Variants in CPA6 observed in about 807,000 individuals in gnomAD.
CPA6 encodes the protein carboxypeptidase A6, also known as carboxypeptidase B.
CPA6 carries 58 observed loss-of-function variants against 63.3 expected under a neutral mutation model. That is an observed-to-expected ratio of 0.92 (90% CI 0.74 to 1.14). The LOEUF is 1.14. Among genes scored for constraint, CPA6 ranks in the 50% most tolerant of loss-of-function variants. The pLI is 0.00. For missense variants in CPA6, 565 were observed against 526.6 expected (o/e 1.07, Z -0.71); for synonymous variants, 185 against 179.0 (o/e 1.03, Z -0.27).
chr8:67,647,989 C>T (rs143997105), intron 1 of CPA6, among the ~76,000 whole-genome samples: 29 of 152,232 alleles, frequency 1.9e-4, no homozygotes, highest in African/African-American at 6.5e-4. Flanking sequence ...TATGATCTTC[C>T]CCTGTGAATG....
chr8:67,535,857 T>G (rs772250022), intron 2 of CPA6, among the ~76,000 whole-genome samples: 1 of 152,252 alleles, frequency 6.6e-6, no homozygotes, highest in Non-Finnish European at 1.5e-5. Flanking sequence ...TTTAAATCTT[T>G]AATCCATCCT....
chr8:67,654,619 T>G (rs1815939661), intron 1 of CPA6, among the ~76,000 whole-genome samples: 1 of 152,192 alleles, frequency 6.6e-6, no homozygotes. Flanking sequence ...TTGTGTCTGT[T>G]TGATTCTTCT....
chr8:67,648,672 A>G (rs1209243805), intron 1 of CPA6, among the ~76,000 whole-genome samples: 1 of 152,148 alleles, frequency 6.6e-6, no homozygotes, highest in Non-Finnish European at 1.5e-5. Flanking sequence ...AGATTTTAAG[A>G]ATTTTTATTT....
chr8:67,631,627 G>A (rs953688387), intron 1 of CPA6, among the ~76,000 whole-genome samples: 1 of 152,226 alleles, frequency 6.6e-6, no homozygotes, highest in Non-Finnish European at 1.5e-5. Flanking sequence ...GGGAATAAAA[G>A]CAGGCTGTGA....
At chr8:67,649,988 G>A (rs1455160137) in intron 1 of CPA6, among the ~76,000 whole-genome samples, 3 of 152,174 alleles carry the variant, frequency 2.0e-5, no homozygotes, top group East Asian at 1.9e-4. Context: ...TGAGACTCAG[G>A]AAGTCAGATT....
intron 1 of CPA6, among the ~76,000 whole-genome samples, chr8:67,704,661 C>T (rs1178971140): frequency 6.6e-6 from 1 of 152,140 alleles, no homozygotes; most frequent in Non-Finnish European, 1.5e-5. Context: ...CCAGTATCTC[C>T]TCTGTTCTCG....
intron 2 of CPA6, among the ~76,000 whole-genome samples, chr8:67,581,872 G>A (rs1186792224): frequency 6.6e-6 from 1 of 152,158 alleles, no homozygotes; most frequent in Non-Finnish European, 1.5e-5. Flanking sequence ...ATTAGGGAAG[G>A]ATCGTAAGAT....
chr8:67,522,378 G>A (rs1812277982), intron 2 of CPA6, among the ~76,000 whole-genome samples: 2 of 152,166 alleles, frequency 1.3e-5, no homozygotes, highest in Non-Finnish European at 2.9e-5. Flanking sequence ...CAGTGTCAGT[G>A]TACCTCATTC....
At chr8:67,609,190 T>C (rs539152024) in intron 2 of CPA6, among the ~76,000 whole-genome samples, 2 of 152,346 alleles carry the variant, frequency 1.3e-5, no homozygotes, top group South Asian at 2.1e-4. Context: ...TCTGTGTTTC[T>C]GAACCTTCTA....
chr8:67,541,751 G>GGAGTT (rs2128970962), intron 2 of CPA6, among the ~76,000 whole-genome samples: 1 of 152,268 alleles, frequency 6.6e-6, no homozygotes, highest in South Asian at 2.1e-4. Flanking sequence ...GCTAGGGGAG[G>GGAGTT]GAGTTCCTGA....
chr8:67,583,074 C>A (rs1813818401), intron 2 of CPA6, among the ~76,000 whole-genome samples: 1 of 151,158 alleles, frequency 6.6e-6, no homozygotes, highest in Non-Finnish European at 1.5e-5. Flanking sequence ...GGAGTTGATG[C>A]TGGTTTGGTG....
At chr8:67,581,407 C>T (rs868382716) in intron 2 of CPA6, among the ~76,000 whole-genome samples, 2 of 152,250 alleles carry the variant, frequency 1.3e-5, no homozygotes. Flanking sequence ...TTGATTAATA[C>T]TGACATGGTA....
intron 2 of CPA6, among the ~76,000 whole-genome samples, chr8:67,587,877 G>C (rs17345798): frequency 0.076 from 11,545 of 152,234 alleles, 575 homozygotes; most frequent in Middle Eastern, 0.18. Context: ...TACTAGTGTG[G>C]CTCCTCAAAT....
intron 1 of CPA6, among the ~76,000 whole-genome samples, chr8:67,680,632 T>C (rs999442643): frequency 3.3e-5 from 5 of 152,186 alleles, no homozygotes; most frequent in African/African-American, 9.6e-5. Flanking sequence ...TATTCAGACA[T>C]GCTCTGCCTT....
chr8:67,717,958 G>A (rs868499909), intron 1 of CPA6, among the ~76,000 whole-genome samples: 1 of 152,144 alleles, frequency 6.6e-6, no homozygotes, highest in Admixed American at 6.5e-5. Context: ...TAGTCTAGTG[G>A]GTATACTGTT....
intron 8 of CPA6, among the ~76,000 whole-genome samples, chr8:67,481,328 G>T (rs1038018320): frequency 1.3e-5 from 2 of 152,190 alleles, no homozygotes; most frequent in African/African-American, 2.4e-5. Context: ...ATGAATGAAA[G>T]AAATTTATGC....
At chr8:67,572,215 G>A (rs1268811537) in intron 2 of CPA6, among the ~76,000 whole-genome samples, 4 of 152,176 alleles carry the variant, frequency 2.6e-5, no homozygotes, top group African/African-American at 9.7e-5. Flanking sequence ...GTTTGAATAT[G>A]GTTTGTTTAT....
chr8:67,473,154 A>C (rs1175915723), intron 8 of CPA6, among the ~76,000 whole-genome samples: 2 of 152,224 alleles, frequency 1.3e-5, no homozygotes, highest in Non-Finnish European at 2.9e-5. Context: ...GAAGAGAAGA[A>C]AAGGAAAGCT....
chr8:67,634,306 G>A lies in CPA6; in HGVS notation c.117-10055C>T, dbSNP rs532804295. On this transcript the variant is annotated intron_variant, in intron 1 of 10. Coordinates refer to ENST00000297770, the MANE Select transcript of CPA6 (RefSeq NM_020361.5). ...ACTATCTCGGCTCACTACAAGCTCC[G>A]CCTCCCGCATTCTCGCATTCTCCTG... Among the ~76,000 whole-genome samples, 4 of 149,134 alleles carry A rather than the reference G, an allele frequency of 2.7e-5. No individual in the cohort carries two copies. The East Asian group carries it at 7.8e-4, about 29-fold the overall frequency.
Sources: gnomAD v4.1 joint callset for allele counts (sites outside exome capture counted in the v4.1 genomes callset) on GRCh38, gnomAD v4.1.1 for gene constraint, MANE v1.5 for transcripts, NCBI Gene and HGNC (gene_info 2026-07-23, HGNC 2026-07-21) for gene names.